Variants in ANO1 observed in about 807,000 individuals in gnomAD.
The protein encoded by ANO1 is anoctamin-1.
ANO1 carries 59 observed loss-of-function variants against 124.0 expected under a neutral mutation model. That is an observed-to-expected ratio of 0.48 (90% confidence interval 0.39 to 0.59). The LOEUF (loss-of-function observed/expected upper bound fraction) is 0.59. ANO1 is among the 20% of genes least tolerant of loss of function. ANO1 has a pLI of 0.00. For missense variants in ANO1, 1,059 were observed against 1,328.0 expected, an observed-to-expected ratio of 0.80 and a Z score of 3.15; for synonymous variants, 529 against 532.0, an observed-to-expected ratio of 0.99 and a Z score of 0.08.
At chr11:70,022,595 G>A (rs1856827972) in intron 1 of ANO1, among the ~76,000 whole-genome samples, 1 of 141,432 alleles carries the variant, frequency 7.1e-6, no homozygotes, top group Non-Finnish European at 1.6e-5. Context: ...AACAGAGTGA[G>A]ACTCCATCTC....
chr11:70,163,109 G>A (rs1477259927), intron 18 of ANO1, among the ~76,000 whole-genome samples, 174 bp from the exon 19 acceptor site: 1 of 152,234 alleles, frequency 6.6e-6, no homozygotes, highest in Non-Finnish European at 1.5e-5. Flanking sequence ...TTTGACCAAT[G>A]AAAACCACTG....
upstream of ANO1, among the ~76,000 whole-genome samples, chr11:69,983,335 C>T (rs1020343767): frequency 2.5e-4 from 38 of 152,164 alleles, no homozygotes; most frequent in Admixed American, 6.5e-4. Flanking sequence ...CTCCCTCCCT[C>T]GCCGCCTCGC....
At chr11:70,160,753 G>A (rs1034284857) in intron 16 of ANO1, among the ~76,000 whole-genome samples, 21 of 152,234 alleles carry the variant, frequency 1.4e-4, no homozygotes, top group Non-Finnish European at 2.8e-4. Context: ...GTCTGCTCTG[G>A]GACAAGCCAC....
At chr11:70,131,453 G>A (rs1481399070) in intron 10 of ANO1, among the ~76,000 whole-genome samples, 2 of 152,066 alleles carry the variant, frequency 1.3e-5, no homozygotes, top group African/African-American at 2.4e-5. Context: ...TCAGCCTCCC[G>A]AGTAGCTGGG....
rs763850018 is a variant in ANO1, at chr11:70,185,579, G to A, written c.2589-11G>A. 1 of 1,612,156 alleles carries A rather than the reference G, an allele frequency of 6.2e-7. No homozygotes were observed. The highest frequency in any genetic ancestry group is 1.3e-5 in the African/African-American group (1 of 74,916). The stretch of plus-strand genomic sequence containing the variant: ...AAGTCCCACCCTCGACTCCACCACG[G>A]TCTTTTGCAGGTATAAAGACTACCG... On this transcript the variant is annotated splice_polypyrimidine_tract_variant and intron_variant, in intron 24 of 25. Transcript: ENST00000355303.
At position 70,147,395 on chromosome 11, in the gene ANO1, G is replaced by A. The variant is rs527312440; in HGVS notation, c.1259-2315G>A. On this transcript the variant is annotated intron_variant, in intron 11 of 25. Transcript: ENST00000355303. ...GCTGCTCCCACCGTCTGCCTCCTGAGGGTCAGGGGCCCTGGGGGTTGGGGG... is the reference window on the plus strand; with the variant it reads ...GCTGCTCCCACCGTCTGCCTCCTGAAGGTCAGGGGCCCTGGGGGTTGGGGG... Among the ~76,000 whole-genome samples, 81 of 152,296 alleles carry A rather than the reference G, an allele frequency of 5.3e-4. 1 individual carries two copies. The South Asian group carries it at 0.016, about 30-fold the overall frequency.
chr11:70,023,667 G>A (rs1432756481), intron 1 of ANO1, among the ~76,000 whole-genome samples: 1 of 152,192 alleles, frequency 6.6e-6, no homozygotes, highest in Non-Finnish European at 1.5e-5. Context: ...GCCCATTGGG[G>A]AAGATCTGTT....
At chr11:70,052,952 T>C (rs1555006442) in intron 1 of ANO1, among the ~76,000 whole-genome samples, 6 of 152,200 alleles carry the variant, frequency 3.9e-5, no homozygotes, top group Non-Finnish European at 8.8e-5. Flanking sequence ...CTTAGTAATG[T>C]TTGGTGATTT....
chr11:70,170,076 G>T, intron 21 of ANO1: 1 of 447,348 alleles, frequency 2.2e-6, no homozygotes, highest in South Asian at 1.6e-5. Flanking sequence ...AGGGGCAGAG[G>T]CGAGGGACTG....
intron 22 of ANO1, among the ~76,000 whole-genome samples, chr11:70,176,642 T>A (rs1055228137): frequency 6.6e-6 from 1 of 152,144 alleles, no homozygotes; most frequent in Admixed American, 6.5e-5. Context: ...GGTCGACTTT[T>A]GTTGAATTCC....
chr11:70,098,523 G>A (rs1327384814), intron 2 of ANO1, among the ~76,000 whole-genome samples: 2 of 152,144 alleles, frequency 1.3e-5, no homozygotes, highest in Middle Eastern at 3.2e-3. Context: ...GCACCCCGAC[G>A]CCATGATTGA....
chr11:70,151,669 G>A (rs1486535579), intron 12 of ANO1, among the ~76,000 whole-genome samples: 1 of 152,130 alleles, frequency 6.6e-6, no homozygotes, highest in Non-Finnish European at 1.5e-5. Context: ...CAGTGCCAAG[G>A]AGCCCGAATG....
chr11:70,063,918 T>C (rs558465965), intron 1 of ANO1: 11 of 152,384 alleles, frequency 7.2e-5, no homozygotes, highest in African/African-American at 2.6e-4. Flanking sequence ...CTCTTTCTTT[T>C]TTACCTGGGG....
At position 70,153,146 on chromosome 11, in the gene ANO1, G is replaced by A. The variant is rs3781663; in HGVS notation, c.1425+18G>A. On this transcript the variant is annotated intron_variant, in intron 14 of 25. Coordinates refer to ENST00000355303, the MANE Select transcript of ANO1 (RefSeq NM_018043.7). ...ACAAAGAGGTATGGTGGCCACTGTG[G>A]GTTAACTTTCCCAGCAATAAAACAC... 0.69 allele frequency: 1,097,229 copies of A among 1,582,850 alleles called. 381,416 individuals are homozygous for A. Among genetic ancestry groups the A allele is most frequent in the East Asian group, 0.8 (35,251 of 44,144 alleles).
chr11:69,971,312 C>A, the ANO1 span, among the ~76,000 whole-genome samples: 13 of 152,126 alleles, frequency 8.5e-5, no homozygotes, highest in African/African-American at 3.1e-4. Flanking sequence ...ACACAATTTG[C>A]CTCATGGAGC....
chr11:70,181,398 C>T lies in ANO1; in HGVS notation c.2404-1104C>T, dbSNP rs193279087. The stretch of plus-strand genomic sequence containing the variant: ...GACAGTGCCCTTTCCCGGTGGGCAA[C>T]GCTTTCTGCCAGGCATGCGCTCCCA... On this transcript the variant is annotated intron_variant, in intron 23 of 25. Transcript: ENST00000355303. Among the ~76,000 whole-genome samples the T allele has an allele frequency of 1.7e-3, 260 of 152,340 alleles. 2 individuals are homozygous for T. The highest frequency in any genetic ancestry group is 6.0e-3 in the African/African-American group (250 of 41,596).
At chr11:70,154,346 A>G (rs891889277) in intron 14 of ANO1, among the ~76,000 whole-genome samples, 2 of 151,886 alleles carry the variant, frequency 1.3e-5, no homozygotes, top group Non-Finnish European at 2.9e-5. Flanking sequence ...CCAAAATCCC[A>G]TCTGGAGGGT....
At chr11:70,013,389 T>C (rs782377458) in intron 1 of ANO1, among the ~76,000 whole-genome samples, 3 of 152,106 alleles carry the variant, frequency 2.0e-5, no homozygotes, top group Non-Finnish European at 4.4e-5. Flanking sequence ...TTGCCTTTTT[T>C]TTAAAAAAGG....
At chr11:70,074,127 G>A (rs1432520434), upstream of ANO1, among the ~76,000 whole-genome samples, 13 of 152,240 alleles carry the variant, frequency 8.5e-5, no homozygotes, top group East Asian at 5.8e-4. Flanking sequence ...TGTCCTACGC[G>A]GGTTGCCGGG....
Sources: allele counts gnomAD v4.1 joint callset (sites outside exome capture counted in the v4.1 genomes callset), GRCh38; gene constraint gnomAD v4.1.1; transcripts MANE v1.5; gene names NCBI Gene and HGNC (gene_info 2026-07-23, HGNC 2026-07-21).